GRIP1: variants seen among roughly 807,000 people sequenced by gnomAD.
GRIP1 encodes glutamate receptor-interacting protein 1.
A neutral mutation model predicts 129.9 loss-of-function variants in GRIP1; 45 were observed. The ratio of observed to expected loss-of-function variants is 0.35; its 90% CI spans 0.27 to 0.44. The LOEUF (loss-of-function observed/expected upper bound fraction) is 0.44. GRIP1 is among the 20% of genes least tolerant of loss of function. GRIP1 has a pLI of 1.00. For missense variants in GRIP1, 1,196 were observed against 1,396.8 expected (o/e 0.86, Z 2.29); for synonymous variants, 530 against 520.8 (o/e 1.02, Z -0.24).
intron 1 of GRIP1, among the ~76,000 whole-genome samples, chr12:66,994,517 T>G (rs2042439384): frequency 6.6e-6 from 1 of 150,870 alleles, no homozygotes; most frequent in Non-Finnish European, 1.5e-5. Context: ...TATGAAAAAC[T>G]CATAGCTAAC....
intron 7 of GRIP1, among the ~76,000 whole-genome samples, chr12:66,476,420 C>T (rs1391218813): frequency 6.6e-6 from 1 of 152,096 alleles, no homozygotes; most frequent in African/African-American, 2.4e-5. Flanking sequence ...GATTCACAGC[C>T]GAATTCTACC....
intron 1 of GRIP1, among the ~76,000 whole-genome samples, chr12:66,862,258 A>G (rs2040125789): frequency 1.3e-5 from 2 of 152,086 alleles, no homozygotes; most frequent in African/African-American, 2.4e-5. Flanking sequence ...TAAAATATGG[A>G]TCAATAAAGT....
chr12:66,440,068 G>T (rs2058429118), intron 13 of GRIP1, among the ~76,000 whole-genome samples: 1 of 152,138 alleles, frequency 6.6e-6, no homozygotes, highest in Admixed American at 6.6e-5. Flanking sequence ...CGAAGCTGCT[G>T]ATCTTTTCAC....
At chr12:66,622,244 GC>G (rs1286561322) in intron 1 of GRIP1, among the ~76,000 whole-genome samples, 1 of 151,882 alleles carries the variant, frequency 6.6e-6, no homozygotes, top group Admixed American at 6.6e-5. Flanking sequence ...AGTCACTTTT[GC>G]CCCAAATAAA....
At chr12:66,547,649 T>C (rs1438557108) in intron 2 of GRIP1, among the ~76,000 whole-genome samples, 2 of 152,336 alleles carry the variant, frequency 1.3e-5, no homozygotes, top group African/African-American at 2.4e-5. Context: ...CAGAGAACTA[T>C]GCTAAGGGCA....
intron 1 of GRIP1, among the ~76,000 whole-genome samples, chr12:66,653,876 T>TCCA (rs1454754911): frequency 3.3e-5 from 5 of 152,164 alleles, no homozygotes. Flanking sequence ...ACCAGAGGTG[T>TCCA]CCAGTCCTAC....
intron 1 of GRIP1, among the ~76,000 whole-genome samples, chr12:66,775,781 C>A (rs1316261564): frequency 1.3e-5 from 2 of 151,978 alleles, no homozygotes; most frequent in Non-Finnish European, 2.9e-5. Flanking sequence ...CTCTACTGTG[C>A]AGAAAATTGA....
At chr12:66,512,029 C>T (rs144883575) in intron 7 of GRIP1, among the ~76,000 whole-genome samples, 60 of 152,142 alleles carry the variant, frequency 3.9e-4, no homozygotes, top group East Asian at 2.5e-3. Context: ...TTTAAAAGTG[C>T]GTGGTGCTTC....
intron 23 of GRIP1, among the ~76,000 whole-genome samples, chr12:66,362,499 G>C (rs1411389384): frequency 6.6e-6 from 1 of 151,840 alleles, no homozygotes; most frequent in Non-Finnish European, 1.5e-5. Context: ...TCATATGGCA[G>C]AACAACAGTG....
rs986877142 is a variant in GRIP1 at position 66,507,796 on chromosome 12, G to A, written c.724+7823C>T. Reference sequence around the variant, plus strand: ...CTTTCTTTCTTTTTTTTTACAGAGGGATCTTGCTCTTCCACCCATTCTGGA... The same window carrying A: ...CTTTCTTTCTTTTTTTTTACAGAGGAATCTTGCTCTTCCACCCATTCTGGA... On this transcript the variant is annotated intron_variant, in intron 7 of 24. Coordinates refer to ENST00000359742, the MANE Select transcript of GRIP1 (RefSeq NM_001366722.1). Among the ~76,000 whole-genome samples, 3 of 150,828 alleles carry A rather than the reference G, an allele frequency of 2.0e-5. No homozygotes were observed. The South Asian group carries it at 6.3e-4, about 32-fold the overall frequency.
chr12:66,443,637 G>A (rs975081775), intron 13 of GRIP1, among the ~76,000 whole-genome samples: 3 of 151,828 alleles, frequency 2.0e-5, no homozygotes, highest in African/African-American at 7.3e-5. Context: ...TGTATTTTTA[G>A]TAGAGACAGG....
chr12:66,425,462 C>G (rs1409997271), intron 14 of GRIP1, among the ~76,000 whole-genome samples: 1 of 152,144 alleles, frequency 6.6e-6, no homozygotes, highest in East Asian at 1.9e-4. Flanking sequence ...ACCCAGCCAT[C>G]CCATTACTGG....
At chr12:67,066,888 T>TATATATATA (rs2043635570) in intron 1 of GRIP1, among the ~76,000 whole-genome samples, 122 of 125,634 alleles carry the variant, frequency 9.7e-4, no homozygotes, top group Admixed American at 3.1e-3. Flanking sequence ...AAATATATAT[T>TATATATATA]TATATATATA....
At chr12:66,926,951 T>C (rs1264177692) in intron 1 of GRIP1, among the ~76,000 whole-genome samples, 3 of 152,232 alleles carry the variant, frequency 2.0e-5, no homozygotes, top group African/African-American at 7.2e-5. Flanking sequence ...CTAATTAGAA[T>C]GCTCATCATT....
intron 1 of GRIP1, chr12:66,647,382 T>A (rs1033364675): frequency 6.6e-6 from 1 of 152,222 alleles, no homozygotes; most frequent in African/African-American, 2.4e-5. Context: ...TTATACGACA[T>A]CATAATACAT....
At chr12:66,606,262 C>T (rs932713807) in intron 1 of GRIP1, among the ~76,000 whole-genome samples, 23 of 152,078 alleles carry the variant, frequency 1.5e-4, no homozygotes, top group African/African-American at 5.3e-4. Context: ...AAGTCGATGG[C>T]AGGAAAAGTA....
chr12:66,503,032 T>C (rs912138513), intron 7 of GRIP1, among the ~76,000 whole-genome samples: 9 of 152,154 alleles, frequency 5.9e-5, no homozygotes, highest in Non-Finnish European at 1.2e-4. Flanking sequence ...GTTTGGCAGT[T>C]ATCACATTGC....
chr12:66,927,348 C>G (rs1214097524), intron 1 of GRIP1, among the ~76,000 whole-genome samples: 1 of 152,070 alleles, frequency 6.6e-6, no homozygotes, highest in African/African-American at 2.4e-5. Flanking sequence ...AGATACACAG[C>G]CAACAAAGCA....
chr12:67,016,109 A>G (rs933167433), intron 1 of GRIP1, among the ~76,000 whole-genome samples: 1 of 152,218 alleles, frequency 6.6e-6, no homozygotes, highest in Non-Finnish European at 1.5e-5. Context: ...CTGTCTATAT[A>G]TTTGCTTAAG....
Sources: allele counts gnomAD v4.1 joint callset (sites outside exome capture counted in the v4.1 genomes callset), GRCh38; gene constraint gnomAD v4.1.1; transcripts MANE v1.5; gene names NCBI Gene and HGNC (gene_info 2026-07-23, HGNC 2026-07-21).